The following GCN1 variants were observed in gnomAD, a reference collection of about 807,000 sequenced individuals.
GCN1 encodes the protein GCN1 activator of EIF2AK4.
In GCN1, 90 loss-of-function variants were observed where a neutral mutation model predicts 288.4. The ratio of observed to expected loss-of-function variants is 0.31; its 90% CI spans 0.26 to 0.37. The LOEUF (loss-of-function observed/expected upper bound fraction) is 0.37, where lower values mean the gene tolerates loss of function less well. Ranked by LOEUF, GCN1 falls within the 10% of genes least tolerant of loss-of-function variation. The probability of loss-of-function intolerance (pLI) is 1.00; values close to 1 mark genes in which losing one functional copy is unlikely to be tolerated. For missense variants in GCN1, 2,586 were observed against 3,419.9 expected, an observed-to-expected ratio of 0.76 and a Z score of 6.08; for synonymous variants, 1,386 against 1,420.2, an observed-to-expected ratio of 0.98 and a Z score of 0.54.
intron 11 of GCN1, among the ~76,000 whole-genome samples, chr12:120,175,500 AGTT>A (rs1878452114): frequency 6.6e-6 from 1 of 152,228 alleles, no homozygotes; most frequent in Non-Finnish European, 1.5e-5. Flanking sequence ...TATTTCCTTT[AGTT>A]TTTTCTGCTA....
chr12:120,142,769 T>C lies in GCN1; in HGVS notation c.5614-47A>G, dbSNP rs762127779. The C allele has an allele frequency of 3.1e-6, 5 of 1,601,302 alleles. No homozygotes were observed. The Admixed American group carries it at 8.3e-5, about 27-fold the overall frequency. ...AGAGAGTAGTGAAGCCTCTATGGCA[T>C]GGGCATCAGGGCACACCCTACCATC... On this transcript the variant is annotated intron_variant, in intron 43 of 57. Coordinates refer to ENST00000300648, the MANE Select transcript of GCN1 (RefSeq NM_006836.2). The surrounding 1 kb of genome is among the most constrained non-coding windows in gnomAD (Gnocchi z 4.9).
Position 120,127,979 on chromosome 12 carries a change from G to A in GCN1, c.7891-5C>T. On this transcript the variant is annotated splice_region_variant and splice_polypyrimidine_tract_variant and intron_variant, in intron 57 of 57. Coordinates refer to ENST00000300648, the MANE Select transcript of GCN1 (RefSeq NM_006836.2). Reference sequence around the variant, plus strand: ...ATCCAGGATCTTGGAGAGGGACTGTGGGGAAGGATGAGCAGGAGGAAACAT... The same window carrying A: ...ATCCAGGATCTTGGAGAGGGACTGTAGGGAAGGATGAGCAGGAGGAAACAT... The A allele has an allele frequency of 6.2e-7, 1 of 1,613,930 alleles. No homozygotes were observed. The highest frequency in any genetic ancestry group is 8.5e-7 in the Non-Finnish European group (1 of 1,179,832).
At chr12:120,165,480 T>A (rs1290077188) in intron 16 of GCN1, among the ~76,000 whole-genome samples, 1 of 151,174 alleles carries the variant, frequency 6.6e-6, no homozygotes, top group Non-Finnish European at 1.5e-5. Context: ...TATTTTTACT[T>A]TTTTTGAGAC....
In GCN1 at chr12:120,155,035, C is replaced by T. The variant is rs775262406; in HGVS notation, c.3636G>A (p.Pro1212=). The change falls in exon 31 of 58, where the codon CCG becomes CCA. Residue 1212 remains proline, a synonymous_variant. Transcript: ENST00000300648. The surrounding 1 kb of genome is among the most constrained non-coding windows in gnomAD (Gnocchi z 4.9). ...GTCCCAAAGCATCCAGCACTGGGGGCGGCCGCTGCAACAGACAAGTTGGTA... is the reference window on the plus strand; with the variant it reads ...GTCCCAAAGCATCCAGCACTGGGGGTGGCCGCTGCAACAGACAAGTTGGTA... The part of the protein sequence containing the change: ...MEIYQEKLYR[P]PPVLDALGRV... The T allele has an allele frequency of 9.3e-6, 15 of 1,613,102 alleles. No individual in the cohort carries two copies. The East Asian group carries it at 1.3e-4, about 14-fold the overall frequency.
In GCN1 at chr12:120,142,901, T is replaced by C; in HGVS notation, c.5536A>G (p.Ile1846Val). 2.5e-6 allele frequency: 4 copies of C among 1,613,638 alleles called. No homozygotes were observed. The highest frequency in any genetic ancestry group is 3.4e-6 in the Non-Finnish European group (4 of 1,179,542). ...GTCATCTTCCCAGTGACTCCTGAGATGTGAAACAGGAGATCCCCAAGGAGC... is the reference window on the plus strand; with the variant it reads ...GTCATCTTCCCAGTGACTCCTGAGACGTGAAACAGGAGATCCCCAAGGAGC... ...VQLLGDLLFH[I>V]SGVTGKMTTE... Residue 1846 changes from isoleucine to valine, a missense_variant, in exon 43 of 58, where the codon ATC becomes GTC. By Grantham distance (29) the Ile-to-Val change is conservative (BLOSUM62 3). This residue lies in a region of GCN1 where 8 missense variants were observed against 30.9 expected (regional missense o/e 0.26). Transcript: ENST00000300648. The surrounding 1 kb of genome is among the most constrained non-coding windows in gnomAD (Gnocchi z 4.9).
In GCN1 at chr12:120,164,321, C is replaced by G; in HGVS notation, c.1848+15G>C. On this transcript the variant is annotated intron_variant, in intron 18 of 57. Coordinates refer to ENST00000300648, the MANE Select transcript of GCN1 (RefSeq NM_006836.2). ...GGATCCAAGAGCCCCAGTTCTAGAG[C>G]CCAGATGCCCTCACCTTGTGAGAAC... 2.5e-6 allele frequency: 4 copies of G among 1,607,200 alleles called. No homozygotes were observed. Among genetic ancestry groups the G allele is most frequent in the Non-Finnish European group, 3.4e-6 (4 of 1,175,082 alleles).
intron 3 of GCN1, 65 bp downstream of exon 3, chr12:120,184,759 C>G: frequency 8.4e-7 from 1 of 1,190,794 alleles, no homozygotes; most frequent in Non-Finnish European, 1.3e-6. Context: ...TGGGCTCTAA[C>G]CACTACTCTA....
intron 5 of GCN1, among the ~76,000 whole-genome samples, chr12:120,180,421 C>G (rs1263027284): frequency 2.0e-5 from 3 of 150,922 alleles, no homozygotes; most frequent in Non-Finnish European, 4.4e-5. Context: ...TCGAGACCAT[C>G]CTGGCCAACA....
intron 51 of GCN1, among the ~76,000 whole-genome samples, chr12:120,135,947 C>T (rs1394171501): frequency 2.4e-4 from 37 of 151,176 alleles, no homozygotes; most frequent in East Asian, 1.9e-4. Context: ...ACCCAGGAGG[C>T]GGAGGTTGCA....
chr12:120,162,350 C>T, intron 20 of GCN1: 1 of 463,778 alleles, frequency 2.2e-6, no homozygotes, highest in East Asian at 4.1e-5. Flanking sequence ...GGCATGTGAC[C>T]CAGAACAGAA....
At chr12:120,193,972 T>C (rs1253937091) in intron 1 of GCN1, among the ~76,000 whole-genome samples, 5 of 152,164 alleles carry the variant, frequency 3.3e-5, no homozygotes, top group Non-Finnish European at 4.4e-5. Flanking sequence ...ACATAACAAC[T>C]GGGTGGAGGA....
intron 1 of GCN1, among the ~76,000 whole-genome samples, chr12:120,192,273 T>C (rs1879026369): frequency 6.6e-6 from 1 of 152,206 alleles, no homozygotes; most frequent in African/African-American, 2.4e-5. Flanking sequence ...CTGCCCCAAT[T>C]AGGCATGTGA....
Position 120,137,856 on chromosome 12 carries a change from C to T in GCN1, c.6394-42G>A, listed in dbSNP as rs756728776. The T allele has an allele frequency of 1.7e-5, 28 of 1,612,634 alleles. No individual in the cohort carries two copies. The highest frequency in any genetic ancestry group is 1.5e-4 in the Admixed American group (9 of 59,970). On this transcript the variant is annotated intron_variant, in intron 48 of 57. Coordinates refer to ENST00000300648, the MANE Select transcript of GCN1 (RefSeq NM_006836.2). The surrounding 1 kb of genome is among the most constrained non-coding windows in gnomAD (Gnocchi z 5.2). ...ACATGTGTGCTGAGCAGGGATCCTC[C>T]GGGCAGACGGGACATGAGAAAGCAG...
rs1877051735 is a variant in GCN1 at position 120,137,619 on chromosome 12, G to A, written c.6589C>T (p.Leu2197=). 2 of 1,614,050 alleles carry A rather than the reference G, an allele frequency of 1.2e-6. No homozygotes were observed. The highest frequency in any genetic ancestry group is 1.7e-6 in the Non-Finnish European group (2 of 1,180,000). Residue 2197 remains leucine (L), a synonymous_variant, in exon 49 of 58, where the codon CTG becomes TTG. Transcript: ENST00000300648. The surrounding 1 kb of genome is among the most constrained non-coding windows in gnomAD (Gnocchi z 5.2). ...TSHLRSLVSG[L]IRLFNDSSPV... is the part of the protein sequence containing the mutation. Reference sequence around the variant, plus strand: ...CTGGAGTCATTGAAGAGGCGGATCAGGCCCGAGACCAGGCTCCGCAGGTGG... The same window carrying A: ...CTGGAGTCATTGAAGAGGCGGATCAAGCCCGAGACCAGGCTCCGCAGGTGG...
intron 47 of GCN1, 71 bp downstream of exon 47, chr12:120,138,252 G>A: frequency 9.5e-7 from 1 of 1,049,072 alleles, no homozygotes; most frequent in South Asian, 1.3e-5. Context: ...TTCAGAACTG[G>A]TCTTCACTGC....
At chr12:120,175,695 AT>A (rs1878459767) in intron 11 of GCN1, 50 bp downstream of exon 11, 3 of 1,568,132 alleles carry the variant, frequency 1.9e-6, no homozygotes, top group South Asian at 2.4e-5. Context: ...GTTGAGGGAA[AT>A]ACCAGGGGCC....
chr12:120,167,055 A>T (rs1489781730), intron 16 of GCN1, among the ~76,000 whole-genome samples: 2 of 151,718 alleles, frequency 1.3e-5, no homozygotes, highest in Admixed American at 1.3e-4. Context: ...AGTTATAAAA[A>T]GAGGCCGGGC....
Position 120,155,639 on chromosome 12 carries a change from C to A in GCN1, c.3393G>T (p.Trp1131Cys). ...KNGLNLLRRLWVVKFDKEEEI... is the reference protein window; with the variant it reads ...KNGLNLLRRLCVVKFDKEEEI... ...CCTCCTCCTTGTCAAACTTGACCAC[C>A]CAGAGTCTCCGCAGAAGGTTCAGGC... Residue 1131 changes from tryptophan (W) to cysteine (C), a missense_variant, in exon 29 of 58, where the codon TGG becomes TGT. Coordinates refer to ENST00000300648, the MANE Select transcript of GCN1 (RefSeq NM_006836.2). The surrounding 1 kb of genome is among the most constrained non-coding windows in gnomAD (Gnocchi z 4.9). The A allele has an allele frequency of 6.2e-7, 1 of 1,614,094 alleles. No individual in the cohort carries two copies. Among genetic ancestry groups the A allele is most frequent in the Non-Finnish European group, 8.5e-7 (1 of 1,179,968 alleles).
In GCN1 at chr12:120,144,229, G is replaced by A. The variant is rs1877287877; in HGVS notation, c.5495+77C>T. The A allele has an allele frequency of 3.9e-6, 6 of 1,524,214 alleles. No homozygotes were observed. The highest frequency in any genetic ancestry group is 5.5e-6 in the Non-Finnish European group (6 of 1,100,842). 94.4% of individuals were successfully genotyped at this position (1,524,214 alleles called of 1,614,324 possible). A position where few individuals can be genotyped will look rare whatever the true frequency, so the allele number is the denominator to read the frequency against. On this transcript the variant is annotated intron_variant, in intron 42 of 57. Transcript: ENST00000300648. This position sits in a 1 kb window ranked among gnomAD's most constrained non-coding sequence, Gnocchi z 4.7. ...GGGTTTAAGCAATCCTCCTGCCTCG[G>A]CTTTCCAGAGTGCTCGGATTATAGG...
Sources: gnomAD v4.1 joint callset for allele counts (sites outside exome capture counted in the v4.1 genomes callset) on GRCh38, gnomAD v4.1.1 for gene constraint, gnomAD v4.1.1 regional missense constraint, Gnocchi (gnomAD v3.1) non-coding constraint, MANE v1.5 for transcripts, NCBI Gene and HGNC (gene_info 2026-07-23, HGNC 2026-07-21) for gene names.